The following DLGAP4 variants were observed in gnomAD, a reference collection of about 807,000 sequenced individuals.
The protein encoded by DLGAP4 is DLG associated protein 4.
DLGAP4 carries 18 observed loss-of-function variants against 86.9 expected under a neutral mutation model. That is an observed-to-expected ratio of 0.21 (90% CI 0.14 to 0.31). The LOEUF is 0.31. Ranked by LOEUF, DLGAP4 falls within the 10% of genes least tolerant of loss-of-function variation. The pLI is 1.00. For synonymous variants in DLGAP4, 548 were observed against 574.3 expected (o/e 0.95, Z 0.65); for missense variants, 1,085 against 1,362.6 (o/e 0.80, Z 3.21).
At chr20:36,346,960 A>G (rs968664208) in intron 1 of DLGAP4, among the ~76,000 whole-genome samples, 3 of 152,210 alleles carry the variant, frequency 2.0e-5, no homozygotes, top group African/African-American at 4.8e-5. Context: ...AAACTTGGGC[A>G]GCACACTGGG....
chr20:36,520,734 C>CTTT (rs796432807), intron 10 of DLGAP4, among the ~76,000 whole-genome samples: 1 of 146,844 alleles, frequency 6.8e-6, no homozygotes, highest in African/African-American at 2.5e-5. Flanking sequence ...TCTTTATCTG[C>CTTT]TTTTTTTTTT....
At chr20:36,525,118 T>TGAGGCAGGA (rs1169313480) in intron 11 of DLGAP4, among the ~76,000 whole-genome samples, 1 of 142,996 alleles carries the variant, frequency 7.0e-6, no homozygotes, top group Non-Finnish European at 1.5e-5. Flanking sequence ...CTCGGGAGGC[T>TGAGGCAGGA]GAGGCAGGAG....
At chr20:36,384,837 C>T (rs1258238936) in intron 2 of DLGAP4, among the ~76,000 whole-genome samples, 2 of 152,192 alleles carry the variant, frequency 1.3e-5, no homozygotes, top group Non-Finnish European at 2.9e-5. Context: ...TGCCCATTTA[C>T]TGTGTACCTA....
At chr20:36,510,462 G>A (rs1003184573) in intron 10 of DLGAP4, among the ~76,000 whole-genome samples, 9 of 151,194 alleles carry the variant, frequency 6.0e-5, no homozygotes, top group South Asian at 4.2e-4. Context: ...ATGAGGTTTC[G>A]CCATGTTGGC....
intron 7 of DLGAP4, among the ~76,000 whole-genome samples, chr20:36,455,605 C>A (rs1407539264): frequency 6.6e-6 from 1 of 152,146 alleles, no homozygotes; most frequent in East Asian, 1.9e-4. Flanking sequence ...TGAGTGGGCA[C>A]CTGCCCTTCC....
intron 8 of DLGAP4, chr20:36,497,761 C>A: frequency 2.7e-6 from 1 of 366,032 alleles, no homozygotes; most frequent in Non-Finnish European, 3.8e-6. Context: ...GGCAGGTGTG[C>A]CAGCTTCCCC....
intron 2 of DLGAP4, among the ~76,000 whole-genome samples, chr20:36,394,400 C>T (rs1365693102): frequency 6.6e-6 from 1 of 152,038 alleles, no homozygotes; most frequent in Non-Finnish European, 1.5e-5. Flanking sequence ...GTGTGAGCTG[C>T]AGGGAGTACC....
intron 1 of DLGAP4, among the ~76,000 whole-genome samples, chr20:36,313,374 G>A (rs2065069576): frequency 6.6e-6 from 1 of 152,324 alleles, no homozygotes; most frequent in Non-Finnish European, 1.5e-5. Flanking sequence ...GGGAGTGGGA[G>A]GCTCAGGACT....
intron 10 of DLGAP4, among the ~76,000 whole-genome samples, chr20:36,504,868 G>GT (rs1362280530): frequency 1.3e-5 from 2 of 152,122 alleles, no homozygotes; most frequent in Non-Finnish European, 2.9e-5. Flanking sequence ...TTACTGAGTT[G>GT]TAAGTCCTTT....
chr20:36,322,070 C>T (rs782819963), intron 1 of DLGAP4, among the ~76,000 whole-genome samples: 2 of 152,090 alleles, frequency 1.3e-5, no homozygotes, highest in Non-Finnish European at 1.5e-5. Flanking sequence ...ATGAGGCCCA[C>T]GGAGGAGGGT....
chr20:36,341,625 C>T (rs1338793845), intron 1 of DLGAP4, among the ~76,000 whole-genome samples: 2 of 152,352 alleles, frequency 1.3e-5, no homozygotes, highest in East Asian at 3.9e-4. Flanking sequence ...CACGCGGCTC[C>T]CGCGGGGAGG....
intron 7 of DLGAP4, among the ~76,000 whole-genome samples, chr20:36,488,414 G>T (rs1303267654): frequency 6.6e-6 from 1 of 152,030 alleles, no homozygotes; most frequent in Non-Finnish European, 1.5e-5. Flanking sequence ...CTAAAGGATA[G>T]CTAAAGTAGA....
At chr20:36,424,081 G>A (rs368257144) in intron 2 of DLGAP4, among the ~76,000 whole-genome samples, 3 of 152,294 alleles carry the variant, frequency 2.0e-5, no homozygotes, top group East Asian at 1.9e-4. Flanking sequence ...ATCCAGTTCC[G>A]TCCTATCTCA....
At chr20:36,427,825 C>G (rs913100175) in intron 2 of DLGAP4, among the ~76,000 whole-genome samples, 4 of 151,880 alleles carry the variant, frequency 2.6e-5, no homozygotes, top group African/African-American at 9.7e-5. Context: ...TGCCTATAAT[C>G]CCGGCTACTA....
intron 2 of DLGAP4, among the ~76,000 whole-genome samples, chr20:36,379,603 A>G (rs1806552485): frequency 6.6e-6 from 1 of 152,120 alleles, no homozygotes; most frequent in Non-Finnish European, 1.5e-5. Flanking sequence ...AGTCAGGAAG[A>G]GTTTTAGAGG....
chr20:36,480,188 AG>A (rs1259223267), intron 7 of DLGAP4, among the ~76,000 whole-genome samples: 1 of 152,136 alleles, frequency 6.6e-6, no homozygotes, highest in East Asian at 1.9e-4. Context: ...GGTATTTTGA[AG>A]GGGGCAGGGT....
chr20:36,358,033 C>A (rs1555893973), intron 1 of DLGAP4, among the ~76,000 whole-genome samples: 2 of 152,224 alleles, frequency 1.3e-5, no homozygotes, highest in African/African-American at 2.4e-5. Flanking sequence ...CAGGGGAGCA[C>A]TGGACAGGGA....
intron 2 of DLGAP4, among the ~76,000 whole-genome samples, chr20:36,384,637 G>GT (rs1329441218): frequency 6.6e-6 from 1 of 152,192 alleles, no homozygotes; most frequent in African/African-American, 2.4e-5. Flanking sequence ...ACAGGGCTTT[G>GT]TAAACTGATG....
At chr20:36,331,975 G>A (rs1055481317) in intron 1 of DLGAP4, among the ~76,000 whole-genome samples, 6 of 152,006 alleles carry the variant, frequency 3.9e-5, no homozygotes, top group African/African-American at 9.7e-5. Flanking sequence ...GAAAAGAGTC[G>A]GGGGCGGGTA....
Sources: gnomAD v4.1 joint callset for allele counts (sites outside exome capture counted in the v4.1 genomes callset) on GRCh38, gnomAD v4.1.1 for gene constraint, MANE v1.5 for transcripts, NCBI Gene and HGNC (gene_info 2026-07-23, HGNC 2026-07-21) for gene names.